Variants in AGPS observed in about 807,000 individuals in gnomAD.
AGPS encodes alkylglycerone phosphate synthase.
AGPS carries 26 observed loss-of-function variants against 90.7 expected under a neutral mutation model. That is an observed-to-expected ratio of 0.29 (90% CI 0.21 to 0.40). The LOEUF (loss-of-function observed/expected upper bound fraction) is 0.40. Among genes scored for constraint, AGPS ranks in the 10% least tolerant of loss-of-function variants. AGPS has a pLI of 1.00. For missense variants in AGPS, 540 were observed against 816.1 expected, an observed-to-expected ratio of 0.66 and a Z score of 4.12; for synonymous variants, 294 against 285.3, an observed-to-expected ratio of 1.03 and a Z score of -0.31.
rs961654548 is a variant in AGPS, at chr2:177,479,663, C to G, written c.1106-2396C>G. 2.6e-5 allele frequency among the ~76,000 whole-genome samples: 4 copies of G among 152,098 alleles called. No homozygotes were observed. The East Asian group carries it at 7.7e-4, about 29-fold the overall frequency. On this transcript the variant is annotated intron_variant, in intron 10 of 19. Transcript: ENST00000264167. ...AAACATTTTGGTAAGTGAAATAAGC[C>G]AGTCAGAAGGCCAGATATTATGAGA...
At chr2:177,399,138 C>G (rs1349706368) in intron 1 of AGPS, among the ~76,000 whole-genome samples, 2 of 152,180 alleles carry the variant, frequency 1.3e-5, no homozygotes, top group African/African-American at 4.8e-5. Context: ...ATTAAGTGAT[C>G]TGTTTTTAGG....
intron 13 of AGPS, among the ~76,000 whole-genome samples, chr2:177,499,120 G>C (rs961367031): frequency 6.6e-6 from 1 of 151,740 alleles, no homozygotes; most frequent in African/African-American, 2.4e-5. Context: ...ATGTGTTTTA[G>C]ATATGTTTCC....
chr2:177,537,767 G>C (rs907296524), intron 19 of AGPS, among the ~76,000 whole-genome samples: 9 of 152,048 alleles, frequency 5.9e-5, no homozygotes, highest in African/African-American at 2.2e-4. Context: ...GGGTTCTTTC[G>C]AAATGCACGT....
chr2:177,472,413 CTTG>C (rs1687653728), intron 10 of AGPS, among the ~76,000 whole-genome samples: 1 of 151,456 alleles, frequency 6.6e-6, no homozygotes, highest in Admixed American at 6.6e-5. Flanking sequence ...TGTTTCATTT[CTTG>C]TTGTTGGTTT....
At chr2:177,394,653 T>G (rs1004605854) in intron 1 of AGPS, among the ~76,000 whole-genome samples, 1 of 152,214 alleles carries the variant, frequency 6.6e-6, no homozygotes, top group Non-Finnish European at 1.5e-5. Context: ...TAGACCTGGA[T>G]TTCAATTTCC....
At chr2:177,396,923 A>G (rs956785354) in intron 1 of AGPS, among the ~76,000 whole-genome samples, 1 of 141,936 alleles carries the variant, frequency 7.0e-6, no homozygotes, top group East Asian at 2.2e-4. Context: ...AGTTGGCACC[A>G]ATTACTTCTT....
At chr2:177,414,137 A>T (rs1446331270) in intron 1 of AGPS, among the ~76,000 whole-genome samples, 1 of 151,812 alleles carries the variant, frequency 6.6e-6, no homozygotes, top group Non-Finnish European at 1.5e-5. Flanking sequence ...TCATTTATTC[A>T]TGATAAATGT....
At chr2:177,393,206 A>T in intron 1 of AGPS, 157 bp downstream of exon 1, 1 of 985,128 alleles carries the variant, frequency 1.0e-6, no homozygotes, top group Non-Finnish European at 1.2e-6. Flanking sequence ...GAGAGAGTGG[A>T]CTAGACCCTG....
At chr2:177,447,813 T>A (rs1236817717) in intron 8 of AGPS, among the ~76,000 whole-genome samples, 3 of 152,182 alleles carry the variant, frequency 2.0e-5, no homozygotes, top group Admixed American at 2.0e-4. Flanking sequence ...CTCATTAAAC[T>A]TTTGTGTCCT....
At chr2:177,473,065 A>G (rs1157798807) in intron 10 of AGPS, among the ~76,000 whole-genome samples, 2 of 151,606 alleles carry the variant, frequency 1.3e-5, no homozygotes, top group East Asian at 3.9e-4. Flanking sequence ...TTTTAATAAG[A>G]CTCCTTTTAT....
chr2:177,429,210 A>G (rs192973695), intron 2 of AGPS, among the ~76,000 whole-genome samples: 2 of 152,152 alleles, frequency 1.3e-5, no homozygotes, highest in Admixed American at 1.3e-4. Context: ...CAGCTCCTGT[A>G]TTGTTTTATC....
intron 1 of AGPS, among the ~76,000 whole-genome samples, chr2:177,410,513 T>A (rs2105597493): frequency 6.6e-6 from 1 of 152,304 alleles, no homozygotes; most frequent in South Asian, 2.1e-4. Flanking sequence ...CCCCTCCTTT[T>A]GCTAGAATGT....
At chr2:177,537,945 A>G in intron 19 of AGPS, 129 bp from the exon 20 acceptor site, 2 of 1,349,236 alleles carry the variant, frequency 1.5e-6, no homozygotes, top group South Asian at 2.4e-5. Context: ...TAAATCAAAT[A>G]AAGCAAAACA....
chr2:177,495,851 G>A (rs1185818833), intron 12 of AGPS, among the ~76,000 whole-genome samples: 1 of 147,986 alleles, frequency 6.8e-6, no homozygotes, highest in African/African-American at 2.5e-5. Flanking sequence ...CGGGGAGGCA[G>A]AGGTTGCTGT....
At position 177,540,791 on chromosome 2, in the gene AGPS, G is replaced by C. The variant is rs1209225933; in HGVS notation, c.*2596G>C. The C allele has an allele frequency of 6.6e-6, 1 of 151,974 alleles. No homozygotes were observed. Among genetic ancestry groups the C allele is most frequent in the Non-Finnish European group, 1.5e-5 (1 of 67,962 alleles). The allele number at this position is 151,974 out of a possible 1,614,324, so 9.4% of individuals were successfully genotyped here. On this transcript the variant is annotated 3_prime_UTR_variant, in exon 20 of 20. Coordinates refer to ENST00000264167, the MANE Select transcript of AGPS (RefSeq NM_003659.4). ...TTTGGTAATGTCACATTTGGGTTGG[G>C]GTTTCAGTGGGAATAGTAACTTGCC...
chr2:177,461,828 A>G (rs897122359), intron 8 of AGPS, 65 bp from the exon 9 acceptor site: 1 of 1,475,152 alleles, frequency 6.8e-7, no homozygotes, highest in Non-Finnish European at 9.3e-7. Context: ...GGAGGAGTTA[A>G]TGTGTTGAGT....
At chr2:177,515,078 T>C (rs555231250) in intron 17 of AGPS, among the ~76,000 whole-genome samples, 2 of 150,976 alleles carry the variant, frequency 1.3e-5, no homozygotes, top group Non-Finnish European at 3.0e-5. Context: ...GAGGTCTTGT[T>C]CTCTGTAGTA....
intron 11 of AGPS, among the ~76,000 whole-genome samples, chr2:177,492,734 TA>T (rs199690361): frequency 0.019 from 2,853 of 152,304 alleles, 42 homozygotes; most frequent in African/African-American, 0.036. Context: ...TTACTGTGGA[TA>T]AAATACAGTA....
chr2:177,410,035 T>C (rs961494938), intron 1 of AGPS, among the ~76,000 whole-genome samples: 1 of 152,176 alleles, frequency 6.6e-6, no homozygotes, highest in Non-Finnish European at 1.5e-5. Context: ...GTAATTTCCA[T>C]TGGTTAGCTG....
Sources: allele counts gnomAD v4.1 joint callset (sites outside exome capture counted in the v4.1 genomes callset), GRCh38; gene constraint gnomAD v4.1.1; transcripts MANE v1.5; gene names NCBI Gene and HGNC (gene_info 2026-07-23, HGNC 2026-07-21).